BLTP2: variants seen among roughly 807,000 people sequenced by gnomAD.
The protein encoded by BLTP2 is bridge-like lipid transfer protein family member 2.
At chr17:28,621,637 T>C in the BLTP2 span, 1 of 656,984 alleles carries the variant, frequency 1.5e-6, no homozygotes, top group East Asian at 2.8e-5. Context: ...TTGAACCATA[T>C]CTCCCAGGAT....
chr17:28,627,691 G>A, the BLTP2 span, among the ~76,000 whole-genome samples: 10 of 152,140 alleles, frequency 6.6e-5, no homozygotes, highest in African/African-American at 1.9e-4. Context: ...GAGCCACTGC[G>A]CCCGGCCCCA....
At chr17:28,619,712 G>C in the BLTP2 span, 2 of 1,614,034 alleles carry the variant, frequency 1.2e-6, no homozygotes, top group South Asian at 2.2e-5. Flanking sequence ...TCCTGGTTTA[G>C]CTGCAACTGA....
chr17:28,638,773 C>T, the BLTP2 span: 3 of 628,882 alleles, frequency 4.8e-6, no homozygotes. Context: ...ACGAGACACA[C>T]CTAGAAGATA....
the BLTP2 span, chr17:28,633,005 G>T: frequency 6.3e-7 from 1 of 1,581,192 alleles, no homozygotes; most frequent in East Asian, 2.2e-5. Context: ...CGAAAGGCCC[G>T]GTAGGAGTCA....
the BLTP2 span, chr17:28,631,861 C>A: frequency 6.8e-6 from 11 of 1,614,138 alleles, no homozygotes; most frequent in Middle Eastern, 3.3e-4. Context: ...GAAGACATGG[C>A]CCTGACTGCA....
chr17:28,643,486 G>A, the BLTP2 span: 2 of 1,341,312 alleles, frequency 1.5e-6, no homozygotes, highest in Non-Finnish European at 2.1e-6. Flanking sequence ...AGGCTAACAG[G>A]AAGACTTCAG....
chr17:28,618,985 G>A, the BLTP2 span: 1 of 1,608,620 alleles, frequency 6.2e-7, no homozygotes, highest in African/African-American at 1.3e-5. Flanking sequence ...TAAGTGGACA[G>A]GGGAGCCAAA....
the BLTP2 span, chr17:28,635,097 A>G: frequency 6.2e-7 from 1 of 1,612,178 alleles, no homozygotes; most frequent in Admixed American, 1.7e-5. Context: ...AGTCATACTG[A>G]TAAGGAAACT....
At chr17:28,628,294 C>T in the BLTP2 span, 1 of 1,614,192 alleles carries the variant, frequency 6.2e-7, no homozygotes, top group Non-Finnish European at 8.5e-7. Context: ...AGGTTGTCCA[C>T]TGAAGCTGGG....
chr17:28,641,638 CT>C, the BLTP2 span, among the ~76,000 whole-genome samples: 1 of 146,996 alleles, frequency 6.8e-6, no homozygotes, highest in Non-Finnish European at 1.5e-5. Flanking sequence ...AAGACTCCAT[CT>C]TTTTTTTTAA....
the BLTP2 span, chr17:28,615,548 T>A: frequency 7.6e-7 from 1 of 1,324,278 alleles, no homozygotes; most frequent in Non-Finnish European, 1.0e-6. Flanking sequence ...ACTCACTTCA[T>A]GCACCTGCCC....
chr17:28,617,012 G>C, the BLTP2 span: 1 of 1,577,010 alleles, frequency 6.3e-7, no homozygotes, highest in East Asian at 2.3e-5. Flanking sequence ...GTAGGATAGA[G>C]AGTAAAGAAG....
the BLTP2 span, among the ~76,000 whole-genome samples, chr17:28,644,599 A>G: frequency 2.0e-5 from 3 of 152,106 alleles, no homozygotes; most frequent in Admixed American, 2.0e-4. Flanking sequence ...TTGAGGTCAG[A>G]CCCGGCAGCT....
the BLTP2 span, chr17:28,620,054 T>G: frequency 1.9e-6 from 3 of 1,567,368 alleles, no homozygotes; most frequent in Non-Finnish European, 2.6e-6. Flanking sequence ...GATTTTTAAG[T>G]AGACAAGTCT....
chr17:28,620,374 CGACT>C, the BLTP2 span: 1 of 1,004,798 alleles, frequency 1.0e-6, no homozygotes, highest in Non-Finnish European at 1.5e-6. Context: ...TTGTCACTGC[CGACT>C]AAGAGAATCT....
At chr17:28,643,451 T>C in the BLTP2 span, 84 of 1,362,492 alleles carry the variant, frequency 6.2e-5, no homozygotes, top group Middle Eastern at 4.7e-4. Flanking sequence ...GTTATCAATA[T>C]CTTCCTCACA....
the BLTP2 span, chr17:28,634,706 G>A: frequency 2.4e-5 from 39 of 1,614,028 alleles, no homozygotes; most frequent in Non-Finnish European, 2.9e-5. Context: ...AGCAGTGCCC[G>A]GCGCATGGGT....
the BLTP2 span, chr17:28,632,118 T>C: frequency 4.8e-5 from 78 of 1,614,030 alleles, no homozygotes; most frequent in Middle Eastern, 4.9e-4. Context: ...TCTTGCTGGG[T>C]TTCAGGTTAT....
At chr17:28,633,227 C>A in the BLTP2 span, 23 of 1,597,808 alleles carry the variant, frequency 1.4e-5, no homozygotes, top group Non-Finnish European at 2.0e-5. Context: ...GCTCTTCCCC[C>A]TCCCTCCAAC....
Sources: gnomAD v4.1 joint callset for allele counts (sites outside exome capture counted in the v4.1 genomes callset) on GRCh38, gnomAD v4.1.1 for gene constraint, MANE v1.5 for transcripts, NCBI Gene and HGNC (gene_info 2026-07-23, HGNC 2026-07-21) for gene names.